Variants in ADGRB3 observed in about 807,000 individuals in gnomAD.
The protein encoded by ADGRB3 is brain-specific angiogenesis inhibitor 3.
A neutral mutation model predicts 193.4 loss-of-function variants in ADGRB3; 37 were observed. The observed-to-expected ratio is 0.19, with a 90% CI of 0.15 to 0.25. ADGRB3 has a LOEUF of 0.25. Ranked by LOEUF, ADGRB3 falls within the 10% of genes least tolerant of loss-of-function variation. ADGRB3 has a pLI of 1.00. For synonymous variants in ADGRB3, 690 were observed against 644.2 expected, an observed-to-expected ratio of 1.07 and a Z score of -1.08; for missense variants, 1,637 against 1,852.9, an observed-to-expected ratio of 0.88 and a Z score of 2.14.
chr6:69,100,251 G>A (rs1001601014), intron 17 of ADGRB3, among the ~76,000 whole-genome samples: 5 of 152,040 alleles, frequency 3.3e-5, no homozygotes, highest in Admixed American at 1.3e-4. Context: ...ATATATTCAC[G>A]CTTTCTATTA....
intron 3 of ADGRB3, among the ~76,000 whole-genome samples, chr6:68,870,211 C>T (rs2150219342): frequency 6.6e-6 from 1 of 152,318 alleles, no homozygotes; most frequent in Middle Eastern, 3.4e-3. Flanking sequence ...GTTAGATATA[C>T]TGCTACATGG....
At chr6:69,243,011 C>A (rs1349125399) in intron 20 of ADGRB3, among the ~76,000 whole-genome samples, 2 of 151,776 alleles carry the variant, frequency 1.3e-5, no homozygotes, top group Non-Finnish European at 2.9e-5. Flanking sequence ...TTCTTAATGA[C>A]AAAAGCATGT....
Position 69,220,193 on chromosome 6 carries a change from A to G in ADGRB3, c.2481-13097A>G, listed in dbSNP as rs1582555323. 2.6e-5 allele frequency among the ~76,000 whole-genome samples: 4 copies of G among 152,232 alleles called. No homozygotes were observed. The East Asian group carries it at 5.8e-4, about 22-fold the overall frequency. Reference sequence around the variant, plus strand: ...TGCTTTCTGAAATCTCAAAACAAATAGCTTTTTAATGACCTTTTCAAACTT... The same window carrying G: ...TGCTTTCTGAAATCTCAAAACAAATGGCTTTTTAATGACCTTTTCAAACTT... On this transcript the variant is annotated intron_variant, in intron 17 of 31. Coordinates refer to ENST00000370598, the MANE Select transcript of ADGRB3 (RefSeq NM_001704.3).
chr6:68,656,950 G>A (rs887413475), intron 3 of ADGRB3, among the ~76,000 whole-genome samples: 12 of 151,450 alleles, frequency 7.9e-5, no homozygotes, highest in African/African-American at 2.7e-4. Flanking sequence ...ATGCAGAAGT[G>A]GGAAGTTCTC....
intron 20 of ADGRB3, among the ~76,000 whole-genome samples, chr6:69,323,716 G>A (rs1355399216): frequency 6.6e-6 from 1 of 151,958 alleles, no homozygotes; most frequent in Non-Finnish European, 1.5e-5. Context: ...ACAACCTGGT[G>A]GATAAACATG....
chr6:69,313,021 T>C (rs1768230441), intron 20 of ADGRB3, among the ~76,000 whole-genome samples: 1 of 151,872 alleles, frequency 6.6e-6, no homozygotes, highest in Admixed American at 6.6e-5. Flanking sequence ...CATTCCCATC[T>C]TACAAATGAA....
intron 16 of ADGRB3, among the ~76,000 whole-genome samples, chr6:69,066,748 T>C (rs1194702077): frequency 6.6e-6 from 1 of 152,076 alleles, no homozygotes; most frequent in Non-Finnish European, 1.5e-5. Flanking sequence ...ATATCAAATT[T>C]TTTTCTCCCT....
At chr6:69,179,429 G>A (rs1775521525) in intron 17 of ADGRB3, among the ~76,000 whole-genome samples, 2 of 152,044 alleles carry the variant, frequency 1.3e-5, no homozygotes, top group Admixed American at 6.5e-5. Flanking sequence ...CCTTGTCTTG[G>A]ATCTCATTGA....
chr6:69,383,097 T>C lies in ADGRB3; in HGVS notation c.4380+162T>C, dbSNP rs566224930. Among the ~76,000 whole-genome samples, 10 of 152,070 alleles carry C rather than the reference T, an allele frequency of 6.6e-5. No homozygotes were observed. The South Asian group carries it at 1.7e-3, about 25-fold the overall frequency. ...CTTTGGAAAGTCTACCAAGACAAAT[T>C]AGGAATGACAGAATCTTTAGGCATT... On this transcript the variant is annotated intron_variant, in intron 31 of 31. Transcript: ENST00000370598.
Position 69,372,384 on chromosome 6 carries a change from T to C in ADGRB3, c.4240-22T>C, listed in dbSNP as rs1281016764. 9 of 1,309,048 alleles carry C rather than the reference T, an allele frequency of 6.9e-6. 1 individual carries two copies. The South Asian group carries it at 1.2e-4, about 17-fold the overall frequency. 81.1% of individuals were successfully genotyped at this position (1,309,048 alleles called of 1,614,324 possible). ...ATAACTTTATTGGTTTTTCTCCTTC[T>C]TTTTAAAAATATATCTTACAGAGAA... On this transcript the variant is annotated intron_variant, in intron 29 of 31. Transcript: ENST00000370598.
At chr6:69,386,301 T>G (rs758156310) in intron 31 of ADGRB3, among the ~76,000 whole-genome samples, 1 of 152,092 alleles carries the variant, frequency 6.6e-6, no homozygotes, top group Non-Finnish European at 1.5e-5. Context: ...CCCCTATATA[T>G]TCCAAGCAAA....
intron 20 of ADGRB3, among the ~76,000 whole-genome samples, chr6:69,261,550 T>A (rs989750128): frequency 2.6e-5 from 4 of 152,100 alleles, no homozygotes; most frequent in Non-Finnish European, 5.9e-5. Context: ...GTGTTTGATA[T>A]GACATTTTTT....
chr6:68,810,463 G>A (rs905890798), intron 3 of ADGRB3, among the ~76,000 whole-genome samples: 6 of 152,128 alleles, frequency 3.9e-5, no homozygotes, highest in South Asian at 4.1e-4. Flanking sequence ...GAGGCTGAGC[G>A]AACAGATGAA....
intron 6 of ADGRB3, among the ~76,000 whole-genome samples, chr6:68,952,968 C>G (rs1426095204): frequency 6.6e-6 from 1 of 152,054 alleles, no homozygotes; most frequent in Non-Finnish European, 1.5e-5. Context: ...AATTTAAAGT[C>G]TCAAAACATT....
At chr6:68,636,682 G>A (rs1767966815) in intron 1 of ADGRB3, among the ~76,000 whole-genome samples, 1 of 152,152 alleles carries the variant, frequency 6.6e-6, no homozygotes, top group Non-Finnish European at 1.5e-5. Context: ...GCTCTCTTGA[G>A]CAGGCATTAA....
At chr6:69,327,416 C>A (rs1768599373) in intron 21 of ADGRB3, among the ~76,000 whole-genome samples, 1 of 152,030 alleles carries the variant, frequency 6.6e-6, no homozygotes, top group African/African-American at 2.4e-5. Flanking sequence ...AATATGTGGC[C>A]AATGGAATGT....
At chr6:68,786,929 G>A (rs1280819170) in intron 3 of ADGRB3, among the ~76,000 whole-genome samples, 1 of 151,786 alleles carries the variant, frequency 6.6e-6, no homozygotes, top group Admixed American at 6.6e-5. Context: ...GTGAATGGGC[G>A]TTCACTCATG....
chr6:68,923,569 A>G (rs1767103648), intron 3 of ADGRB3, among the ~76,000 whole-genome samples: 1 of 152,132 alleles, frequency 6.6e-6, no homozygotes, highest in South Asian at 2.1e-4. Flanking sequence ...AAAATAATGT[A>G]CAAATTATTT....
chr6:69,235,530 A>T (rs955428841), intron 19 of ADGRB3, among the ~76,000 whole-genome samples: 2 of 152,042 alleles, frequency 1.3e-5, no homozygotes, highest in African/African-American at 4.8e-5. Flanking sequence ...TAAAAATATG[A>T]TCTCAAGTAC....
Sources: gnomAD v4.1 joint callset for allele counts (sites outside exome capture counted in the v4.1 genomes callset) on GRCh38, gnomAD v4.1.1 for gene constraint, MANE v1.5 for transcripts, NCBI Gene and HGNC (gene_info 2026-07-23, HGNC 2026-07-21) for gene names.